The following DMXL2 variants were observed in gnomAD, a reference collection of about 807,000 sequenced individuals.
DMXL2 encodes dmX-like protein 2.
DMXL2 carries 103 observed loss-of-function variants against 331.1 expected under a neutral mutation model. The ratio of observed to expected loss-of-function variants is 0.31; its 90% CI spans 0.27 to 0.37. The LOEUF (loss-of-function observed/expected upper bound fraction) is 0.37, where lower values mean the gene tolerates loss of function less well. DMXL2 is among the 10% of genes least tolerant of loss of function. The pLI is 1.00. For missense variants in DMXL2, 3,171 were observed against 3,642.9 expected (o/e 0.87, Z 3.33); for synonymous variants, 1,281 against 1,252.1 (o/e 1.02, Z -0.49).
intron 33 of DMXL2, among the ~76,000 whole-genome samples, chr15:51,461,271 G>C (rs1399884900): frequency 2.0e-5 from 3 of 152,138 alleles, no homozygotes; most frequent in Non-Finnish European, 4.4e-5. Flanking sequence ...TAATGGAAGG[G>C]AGACTAAGGG....
chr15:51,459,360 CAG>C (rs2039929486), intron 34 of DMXL2, among the ~76,000 whole-genome samples: 1 of 152,092 alleles, frequency 6.6e-6, no homozygotes. Flanking sequence ...ATGCTTAAAA[CAG>C]AAAAAGTGAC....
intron 13 of DMXL2, among the ~76,000 whole-genome samples, chr15:51,532,262 G>A: frequency 6.6e-6 from 1 of 151,976 alleles, no homozygotes; most frequent in East Asian, 1.9e-4. Flanking sequence ...GTTATTTTAA[G>A]TGAAATAAGC....
chr15:51,534,957 A>T (rs570769349), intron 13 of DMXL2, among the ~76,000 whole-genome samples: 4 of 150,308 alleles, frequency 2.7e-5, no homozygotes, highest in African/African-American at 7.6e-5. Context: ...TCCTCTTCTT[A>T]TGTCTTAAAC....
chr15:51,488,177 T>G lies in DMXL2; in HGVS notation c.5052-58A>C, dbSNP rs531832876. 8.1e-5 allele frequency: 114 copies of G among 1,401,482 alleles called. 2 individuals carry two copies. In the South Asian group the frequency reaches 1.5e-3, roughly 19 times the overall value. The allele number at this position is 1,401,482 out of a possible 1,614,324, so 86.8% of individuals were successfully genotyped here. On this transcript the variant is annotated intron_variant, in intron 21 of 43. Transcript: ENST00000560891. ...ACCAAATTTAAAATGTTCTACAGAA[T>G]GTATAATAATATAAAATAAAAACCT...
Position 51,596,838 on chromosome 15 carries a change from G to A in DMXL2, c.88-20657C>T, listed in dbSNP as rs150365668. ...TCGCAAAGACAAAAAACCAAACACCGCATGTTCTCACTCATAGGTGGGAAC... is the reference window on the plus strand; with the variant it reads ...TCGCAAAGACAAAAAACCAAACACCACATGTTCTCACTCATAGGTGGGAAC... On this transcript the variant is annotated intron_variant, in intron 1 of 43. Coordinates refer to ENST00000560891, the MANE Select transcript of DMXL2 (RefSeq NM_001378457.1). Among the ~76,000 whole-genome samples the A allele has an allele frequency of 3.9e-3, 588 of 152,082 alleles. 3 individuals carry two copies. Among genetic ancestry groups the A allele is most frequent in the African/African-American group, 0.012 (512 of 41,486 alleles).
At chr15:51,536,924 C>T in intron 11 of DMXL2, 62 bp from the exon 12 acceptor site, 1 of 1,363,992 alleles carries the variant, frequency 7.3e-7, no homozygotes, top group Non-Finnish European at 9.9e-7. Context: ...AAAAAGACTT[C>T]TATTCTCAAA....
chr15:51,475,598 A>G (rs977938784), intron 27 of DMXL2, among the ~76,000 whole-genome samples: 1 of 152,230 alleles, frequency 6.6e-6, no homozygotes, highest in Non-Finnish European at 1.5e-5. Flanking sequence ...ACTCTTCAAA[A>G]GTGTCAAAGT....
intron 27 of DMXL2, 138 bp from the exon 28 acceptor site, chr15:51,474,730 C>A: frequency 1.1e-6 from 1 of 931,278 alleles, no homozygotes; most frequent in Non-Finnish European, 1.5e-6. Context: ...ACAAAATAAA[C>A]AAGATAGGAA....
At chr15:51,502,306 T>TGTGTGTGTGTGTGTGTGTG (rs2043701330) in intron 17 of DMXL2, among the ~76,000 whole-genome samples, 1 of 140,558 alleles carries the variant, frequency 7.1e-6, no homozygotes, top group African/African-American at 2.7e-5. Context: ...TTTTGTGGGT[T>TGTGTGTGTGTGTGTGTGTG]TGTGTGTGTG....
In DMXL2 at chr15:51,466,196, G is replaced by T; in HGVS notation, c.7508C>A (p.Pro2503Gln). 1 of 1,557,906 alleles carries T rather than the reference G, an allele frequency of 6.4e-7. No individual in the cohort carries two copies. Among genetic ancestry groups the T allele is most frequent in the Admixed American group, 2.2e-5 (1 of 45,972 alleles). ...SDTQIQEHQD[P>Q]NSYSWALLHL... ...AAGTCTTATTTACCTATAGGAATTT[G>T]GATCTTGGTGCTCCTGTATTTGTGT... is the stretch of plus-strand genomic sequence containing the variant. Residue 2503 changes from proline (P) to glutamine (Q), a missense_variant, in exon 30 of 44, where the codon CCA (proline) becomes CAA (glutamine). Physicochemically the swap from Pro to Gln is moderately conservative, Grantham distance 76. Coordinates refer to ENST00000560891, the MANE Select transcript of DMXL2 (RefSeq NM_001378457.1).
intron 29 of DMXL2, chr15:51,466,664 G>C (rs1478141979): frequency 1.3e-5 from 2 of 151,892 alleles, no homozygotes; most frequent in East Asian, 3.8e-4. Flanking sequence ...TGAAAGCTGT[G>C]AGAGAGCTAT....
chr15:51,498,559 A>G lies in DMXL2; in HGVS notation c.4665T>C (p.Ser1555=). 1 of 1,609,370 alleles carries G rather than the reference A, an allele frequency of 6.2e-7. No homozygotes were observed. Among genetic ancestry groups the G allele is most frequent in the Non-Finnish European group, 8.5e-7 (1 of 1,178,094 alleles). The change falls in exon 18 of 44, where the codon AGT becomes AGC. Residue 1555 remains serine, a synonymous_variant. Transcript: ENST00000560891. ...TTTAGCGAGAATATTTACCTGAGCA[A>G]CTCTTATCTCTGCTTTCATCAAGCT... is the stretch of plus-strand genomic sequence containing the variant. ...STELDESRDK[S]CSGRDTLDEC...
Position 51,474,027 on chromosome 15 carries a change from GTCTTAGGAACTAC to G in DMXL2, c.7213+304_7213+316del, listed in dbSNP as rs748731869. ...TTTGCTTTTTTTTTTTCATTTTATT[GTCTTAGGAACTAC>G]TCTTTTTGTATGACTTTGTTCCTTA... On this transcript the variant is annotated intron_variant, in intron 28 of 43. Coordinates refer to ENST00000560891, the MANE Select transcript of DMXL2 (RefSeq NM_001378457.1). Among the ~76,000 whole-genome samples the G allele has an allele frequency of 6.7e-3, 977 of 144,920 alleles. 5 individuals are homozygous for G. Among genetic ancestry groups the G allele is most frequent in the Non-Finnish European group, 0.01 (662 of 66,046 alleles).
rs1338114100 is a variant in DMXL2, at chr15:51,564,247, C to T, written c.378G>A (p.Leu126=). 2 of 1,583,130 alleles carry T rather than the reference C, an allele frequency of 1.3e-6. No individual in the cohort carries two copies. Among genetic ancestry groups the T allele is most frequent in the Non-Finnish European group, 1.7e-6 (2 of 1,170,186 alleles). The change falls in exon 5 of 44, where the codon TTG becomes TTA. Residue 126 remains leucine (L), a synonymous_variant. Transcript: ENST00000560891. ...ACAACTGAATAGAATCAGTTGCTGT[C>T]AACAATCTATTATCTGAAAATTAAA... is the stretch of plus-strand genomic sequence containing the variant. ...LAWDPQDNRL[L]TATDSIQLWA...
At chr15:51,612,333 G>A (rs375535322) in intron 1 of DMXL2, among the ~76,000 whole-genome samples, 12 of 152,070 alleles carry the variant, frequency 7.9e-5, no homozygotes, top group Admixed American at 1.3e-4. Context: ...TAATCAAATC[G>A]TCACATTAGT....
chr15:51,610,663 G>T (rs2053899740), intron 1 of DMXL2, among the ~76,000 whole-genome samples: 1 of 151,912 alleles, frequency 6.6e-6, no homozygotes. Context: ...AGCTACTTGG[G>T]AGGCTAAGGC....
At chr15:51,557,655 T>G (rs1042205759) in intron 6 of DMXL2, among the ~76,000 whole-genome samples, 2 of 152,116 alleles carry the variant, frequency 1.3e-5, no homozygotes, top group African/African-American at 4.8e-5. Context: ...AGCAATTAAG[T>G]CAGGTGACAC....
rs1364947741 is a variant in DMXL2, at chr15:51,457,410, G to A, written c.8255C>T (p.Thr2752Ile). 4 of 1,614,068 alleles carry A rather than the reference G, an allele frequency of 2.5e-6. No homozygotes were observed. The highest frequency in any genetic ancestry group is 3.4e-6 in the Non-Finnish European group (4 of 1,179,996). The change falls in exon 37 of 44, where the codon ACA becomes ATA. Residue 2752 changes from threonine to isoleucine, a missense_variant. This residue lies in a region of DMXL2 where 766 missense variants were observed against 940.5 expected (regional missense o/e 0.81). Transcript: ENST00000560891. The part of the protein sequence containing the change: ...STTTLYQPSA[T>I]SYSASQVHPP... ...ATGCACCTGACTTGCTGAATAGGAT[G>A]TTGCACTGGGTTGATAAAGAGTTGT... is the stretch of plus-strand genomic sequence containing the variant.
chr15:51,487,063 C>G (rs767417853), intron 22 of DMXL2, among the ~76,000 whole-genome samples: 17 of 152,054 alleles, frequency 1.1e-4, no homozygotes, highest in Non-Finnish European at 2.2e-4. Flanking sequence ...TTGTCCTTTA[C>G]CTGTTCATAT....
Sources: gnomAD v4.1 joint callset for allele counts (sites outside exome capture counted in the v4.1 genomes callset) on GRCh38, gnomAD v4.1.1 for gene constraint, gnomAD v4.1.1 regional missense constraint, MANE v1.5 for transcripts, NCBI Gene and HGNC (gene_info 2026-07-23, HGNC 2026-07-21) for gene names.